The following ZNF581 variants were observed in gnomAD, a reference collection of about 807,000 sequenced individuals.
ZNF581 encodes the protein zinc finger protein 581.
In ZNF581, 1 loss-of-function variant was observed where a neutral mutation model predicts 1.2. The observed-to-expected ratio is 0.83, with a 90% CI of 0.30 to 3.95. The LOEUF (loss-of-function observed/expected upper bound fraction) is 3.95. Among genes scored for constraint, ZNF581 ranks in the 30% most tolerant of loss-of-function variants. ZNF581 has a pLI of 0.18. For synonymous variants in ZNF581, 105 were observed against 109.2 expected (o/e 0.96, Z 0.24); for missense variants, 273 against 274.6 (o/e 0.99, Z 0.04).
chr19:55,640,322 C>T (rs536358821), upstream of ZNF581: 2 of 985,146 alleles, frequency 2.0e-6, no homozygotes, highest in Admixed American at 1.2e-4. Context: ...GCCCCAGGAC[C>T]TGGCGCAGCC....
chr19:55,643,728 C>T lies in ZNF581; in HGVS notation c.-66C>T, dbSNP rs1425536356. The T allele has an allele frequency of 1.3e-5, 2 of 152,326 alleles. No homozygotes were observed. Among genetic ancestry groups the T allele is most frequent in the African/African-American group, 4.8e-5 (2 of 41,438 alleles). 9.4% of individuals were successfully genotyped at this position (152,326 alleles called of 1,614,324 possible). A position where few individuals can be genotyped will look rare whatever the true frequency, so the allele number is the denominator to read the frequency against. ...CCGCCGCCTGCAACTGCGAGGGTAG[C>T]CCGGGGCCGCTTGGAGTCGCCCGGA... is the stretch of plus-strand genomic sequence containing the variant. On this transcript the variant is annotated 5_prime_UTR_variant, in exon 1 of 2. Coordinates refer to ENST00000270451, the MANE Select transcript of ZNF581 (RefSeq NM_016535.4).
upstream of ZNF581, chr19:55,640,300 C>T (rs1982373790): frequency 3.0e-6 from 3 of 985,476 alleles, no homozygotes; most frequent in Non-Finnish European, 3.6e-6. Context: ...AGCCAGCGCC[C>T]GGGCCTCAAG....
chr19:55,638,994 A>G (rs1982263543), upstream of ZNF581, among the ~76,000 whole-genome samples: 1 of 129,284 alleles, frequency 7.7e-6, no homozygotes, highest in Admixed American at 8.8e-5. Context: ...CAACAGAGCA[A>G]GACTCCATCT....
chr19:55,645,126 G>A lies in ZNF581; in HGVS notation c.555G>A (p.Gln185=). The change falls in exon 2 of 2, where the codon CAG becomes CAA. Residue 185 remains glutamine (Q), a synonymous_variant. Coordinates refer to ENST00000270451, the MANE Select transcript of ZNF581 (RefSeq NM_016535.4). ...ACTGCCCTCGCCGCTTTATGGAGCA[G>A]AACACACTGCAGAAACACACGCGGT... ...CPHCPRRFME[Q]NTLQKHTRWK... 6.5e-7 allele frequency: 1 copy of A among 1,527,812 alleles called. No homozygotes were observed. The highest frequency in any genetic ancestry group is 1.3e-5 in the South Asian group (1 of 78,288). The allele number at this position is 1,527,812 out of a possible 1,614,324, so 94.6% of individuals were successfully genotyped here.
At chr19:55,642,580 C>A (rs778020661), upstream of ZNF581, 8 of 1,450,440 alleles carry the variant, frequency 5.5e-6, no homozygotes, top group Non-Finnish European at 7.3e-6. Flanking sequence ...CACCGCCCCC[C>A]AAGGCTCCCC....
chr19:55,644,541 C>G lies in ZNF581; in HGVS notation c.-19-12C>G, dbSNP rs1262517773. On this transcript the variant is annotated splice_polypyrimidine_tract_variant and intron_variant, in intron 1 of 1. Coordinates refer to ENST00000270451, the MANE Select transcript of ZNF581 (RefSeq NM_016535.4). This position sits in a 1 kb window ranked among gnomAD's most constrained non-coding sequence, Gnocchi z 4.3. ...TCTATATAACCTTCTTATCCCATCT[C>G]CCATCCACCAGGCCTCAGCCAGCCC... The G allele has an allele frequency of 6.6e-7, 1 of 1,509,516 alleles. No homozygotes were observed. The highest frequency in any genetic ancestry group is 8.9e-7 in the Non-Finnish European group (1 of 1,118,568). The allele number at this position is 1,509,516 out of a possible 1,614,324, so 93.5% of individuals were successfully genotyped here. A position where few individuals can be genotyped will look rare whatever the true frequency, so the allele number is the denominator to read the frequency against.
upstream of ZNF581, among the ~76,000 whole-genome samples, chr19:55,636,303 G>A (rs1184732438): frequency 1.3e-5 from 2 of 152,134 alleles, no homozygotes; most frequent in African/African-American, 4.8e-5. Flanking sequence ...AGTGCCCTCA[G>A]GGGGTGGAGG....
chr19:55,641,845 G>A (rs961865060), upstream of ZNF581: 2 of 161,162 alleles, frequency 1.2e-5, no homozygotes, highest in Non-Finnish European at 2.6e-5. Flanking sequence ...TAGACTTCGA[G>A]GTGCTAAGTG....
At chr19:55,639,930 A>T (rs1259529679), upstream of ZNF581, among the ~76,000 whole-genome samples, 2 of 152,206 alleles carry the variant, frequency 1.3e-5, no homozygotes, top group East Asian at 3.8e-4. Context: ...GAAATGTAAT[A>T]CAATTTAAAA....
upstream of ZNF581, among the ~76,000 whole-genome samples, chr19:55,639,078 G>C (rs537150100): frequency 4.6e-5 from 7 of 151,880 alleles, no homozygotes; most frequent in South Asian, 1.5e-3. Context: ...AGGGATCTTG[G>C]CAAGACACTC....
upstream of ZNF581, chr19:55,640,681 C>G (rs1159435382): frequency 1.0e-6 from 1 of 985,364 alleles, no homozygotes; most frequent in Non-Finnish European, 1.2e-6. Flanking sequence ...CAGGAACATC[C>G]CTTCTCCCGC....
upstream of ZNF581, chr19:55,641,034 ACCCCCGCGCCCCCAG>A: frequency 1.0e-6 from 1 of 984,076 alleles, no homozygotes; most frequent in Non-Finnish European, 1.2e-6. Context: ...AACCCCTCGC[ACCCCCGCGCCCCCAG>A]TCCCCGCGTC....
chr19:55,639,647 C>G (rs1982320168), upstream of ZNF581, among the ~76,000 whole-genome samples: 1 of 152,112 alleles, frequency 6.6e-6, no homozygotes, highest in African/African-American at 2.4e-5. Flanking sequence ...GAGACAGTCT[C>G]CCTCTGTTGC....
At chr19:55,640,632 C>G (rs1568535835), upstream of ZNF581, 8 of 985,458 alleles carry the variant, frequency 8.1e-6, no homozygotes, top group Non-Finnish European at 8.4e-6. Context: ...GAGCCAATGG[C>G]TGGTCTCTGG....
chr19:55,644,401 A>G lies in ZNF581; in HGVS notation c.-19-152A>G, dbSNP rs1175041608. Among the ~76,000 whole-genome samples, 1 of 152,006 alleles carries G rather than the reference A, an allele frequency of 6.6e-6. No individual in the cohort carries two copies. The stretch of plus-strand genomic sequence containing the variant: ...CTGGGGACCTTTTAGGGGGCCACAG[A>G]CTCCAGCTGTGAGCGGGACTGGAAA... On this transcript the variant is annotated intron_variant, in intron 1 of 1. Transcript: ENST00000270451. This position sits in a 1 kb window ranked among gnomAD's most constrained non-coding sequence, Gnocchi z 4.3.
chr19:55,644,407 G>T lies in ZNF581; in HGVS notation c.-19-146G>T. The T allele has an allele frequency of 6.5e-6, 4 of 615,800 alleles. No individual in the cohort carries two copies. The highest frequency in any genetic ancestry group is 8.5e-6 in the Non-Finnish European group (3 of 354,066). 38.1% of individuals were successfully genotyped at this position (615,800 alleles called of 1,614,324 possible). A position where few individuals can be genotyped will look rare whatever the true frequency, so the allele number is the denominator to read the frequency against. On this transcript the variant is annotated intron_variant, in intron 1 of 1. Coordinates refer to ENST00000270451, the MANE Select transcript of ZNF581 (RefSeq NM_016535.4). The surrounding 1 kb of genome is among the most constrained non-coding windows in gnomAD (Gnocchi z 4.3). ...ACCTTTTAGGGGGCCACAGACTCCA[G>T]CTGTGAGCGGGACTGGAAAAGAGGG...
chr19:55,644,517 C>T lies in ZNF581; in HGVS notation c.-19-36C>T. 1 of 1,371,358 alleles carries T rather than the reference C, an allele frequency of 7.3e-7. No homozygotes were observed. 84.9% of individuals were successfully genotyped at this position (1,371,358 alleles called of 1,614,324 possible). On this transcript the variant is annotated intron_variant, in intron 1 of 1. Transcript: ENST00000270451. The surrounding 1 kb of genome is among the most constrained non-coding windows in gnomAD (Gnocchi z 4.3). ...GCCTGTGGTGCTGAGCTGCCCTCTT[C>T]TATATAACCTTCTTATCCCATCTCC...
At chr19:55,640,331 C>A, upstream of ZNF581, 1 of 985,152 alleles carries the variant, frequency 1.0e-6, no homozygotes. Flanking sequence ...CCTGGCGCAG[C>A]CCGCGAGCCC....
chr19:55,639,284 CAA>C (rs574390648), upstream of ZNF581, among the ~76,000 whole-genome samples: 1 of 152,084 alleles, frequency 6.6e-6, no homozygotes, highest in Non-Finnish European at 1.5e-5. Context: ...GCCCCCACAA[CAA>C]AGAGTGGTCC....
Sources: allele counts gnomAD v4.1 joint callset (sites outside exome capture counted in the v4.1 genomes callset), GRCh38; gene constraint gnomAD v4.1.1; non-coding constraint Gnocchi (gnomAD v3.1); transcripts MANE v1.5; gene names NCBI Gene and HGNC (gene_info 2026-07-23, HGNC 2026-07-21).